The following SPOCK3 variants were observed in gnomAD, a reference collection of about 807,000 sequenced individuals.
SPOCK3 encodes the protein SPARC (osteonectin), cwcv and kazal like domains proteoglycan 3, also known as testican-3.
In SPOCK3, 30 loss-of-function variants were observed where a neutral mutation model predicts 56.6. The observed-to-expected ratio is 0.53, with a 90% CI of 0.40 to 0.72. SPOCK3 has a LOEUF of 0.72. Ranked by LOEUF, SPOCK3 falls within the 30% of genes least tolerant of loss-of-function variation. The pLI is 0.00. For synonymous variants in SPOCK3, 196 were observed against 183.3 expected (o/e 1.07, Z -0.56); for missense variants, 527 against 530.0 (o/e 0.99, Z 0.06).
intron 7 of SPOCK3, among the ~76,000 whole-genome samples, chr4:166,764,844 A>G (rs1737760458): frequency 6.6e-6 from 1 of 151,202 alleles, no homozygotes; most frequent in Non-Finnish European, 1.5e-5. Flanking sequence ...CATCCTCTCC[A>G]GCACCTGTTG....
intron 6 of SPOCK3, among the ~76,000 whole-genome samples, chr4:166,875,771 A>C (rs974198297): frequency 2.6e-5 from 4 of 152,212 alleles, no homozygotes; most frequent in South Asian, 4.1e-4. Context: ...GAATGTAGAA[A>C]GGTCTAGAAT....
chr4:167,018,774 A>G (rs12643432), intron 3 of SPOCK3, among the ~76,000 whole-genome samples: 76,246 of 151,756 alleles, frequency 0.5, 21,654 homozygotes, highest in East Asian at 0.84. Context: ...CATTTGGAAT[A>G]GCTTCATGTT....
intron 7 of SPOCK3, among the ~76,000 whole-genome samples, chr4:166,788,019 T>C (rs1426579226): frequency 1.3e-5 from 2 of 152,060 alleles, no homozygotes; most frequent in Non-Finnish European, 2.9e-5. Context: ...CCGTCTTCAC[T>C]AAAAATACAA....
At chr4:166,978,485 T>C (rs549420422) in intron 4 of SPOCK3, among the ~76,000 whole-genome samples, 2 of 152,098 alleles carry the variant, frequency 1.3e-5, no homozygotes, top group South Asian at 4.1e-4. Context: ...ACAGATGAAT[T>C]TATTTTGTGC....
At chr4:166,790,262 C>T (rs1359795987) in intron 7 of SPOCK3, among the ~76,000 whole-genome samples, 5 of 152,054 alleles carry the variant, frequency 3.3e-5, no homozygotes, top group Admixed American at 2.0e-4. Context: ...TAGATTATCA[C>T]TATATTAGAT....
At chr4:166,868,526 G>A (rs1411949267) in intron 6 of SPOCK3, among the ~76,000 whole-genome samples, 1 of 152,000 alleles carries the variant, frequency 6.6e-6, no homozygotes. Flanking sequence ...GAACTAATTT[G>A]GAAGTATGAA....
intron 4 of SPOCK3, among the ~76,000 whole-genome samples, chr4:166,946,559 C>A (rs970816160): frequency 6.6e-6 from 1 of 152,196 alleles, no homozygotes; most frequent in Non-Finnish European, 1.5e-5. Flanking sequence ...TTCTTCAGTA[C>A]TTCAAATCTT....
At chr4:166,955,424 A>G (rs1332126206) in intron 4 of SPOCK3, among the ~76,000 whole-genome samples, 1 of 148,594 alleles carries the variant, frequency 6.7e-6, no homozygotes, top group Non-Finnish European at 1.5e-5. Flanking sequence ...CATAGTTTTG[A>G]ATATTTCCTA....
intron 2 of SPOCK3, among the ~76,000 whole-genome samples, chr4:167,229,951 T>C (rs919918906): frequency 6.6e-6 from 1 of 152,084 alleles, no homozygotes; most frequent in Non-Finnish European, 1.5e-5. Flanking sequence ...GGTATTTTTA[T>C]TGAAAAACAA....
At chr4:167,141,618 C>T (rs1279897455) in intron 2 of SPOCK3, among the ~76,000 whole-genome samples, 3 of 151,960 alleles carry the variant, frequency 2.0e-5, no homozygotes, top group African/African-American at 7.2e-5. Flanking sequence ...TCTTTGCTTG[C>T]ACAACACAGG....
In SPOCK3 at chr4:166,899,280, ATCTATCTATCTAT is replaced by A. The variant is rs1560987039; in HGVS notation, c.475-10049_475-10037del. On this transcript the variant is annotated intron_variant, in intron 5 of 10. Transcript: ENST00000357545. ...TATCTATCTATCTATCTATCTATCT[ATCTATCTATCTAT>A]CTATCTATGTACCCTATGGGTTGTA... 1.4e-4 allele frequency among the ~76,000 whole-genome samples: 19 copies of A among 140,546 alleles called. No individual in the cohort carries two copies. The East Asian group carries it at 2.0e-3, about 15-fold the overall frequency. 92.2% of individuals were successfully genotyped at this position (140,546 alleles called of 152,430 possible).
chr4:167,115,317 G>GA (rs34552247), intron 2 of SPOCK3, among the ~76,000 whole-genome samples: 23,299 of 122,838 alleles, frequency 0.19, 2,044 homozygotes, highest in Middle Eastern at 0.28. Flanking sequence ...GCCTTGTACA[G>GA]AAAAAAAAAA....
chr4:166,979,977 C>T (rs537909932), intron 4 of SPOCK3, among the ~76,000 whole-genome samples: 3 of 152,160 alleles, frequency 2.0e-5, no homozygotes, highest in Non-Finnish European at 4.4e-5. Context: ...TCTTTTCTTC[C>T]TTAGGTCCTT....
At chr4:167,014,134 C>T (rs900936800) in intron 3 of SPOCK3, among the ~76,000 whole-genome samples, 1 of 152,130 alleles carries the variant, frequency 6.6e-6, no homozygotes, top group Non-Finnish European at 1.5e-5. Flanking sequence ...TGAGCTCCTC[C>T]TGGAGGATCT....
intron 2 of SPOCK3, among the ~76,000 whole-genome samples, chr4:167,092,992 T>C (rs1580266915): frequency 6.6e-6 from 1 of 152,206 alleles, no homozygotes; most frequent in African/African-American, 2.4e-5. Flanking sequence ...TAAAATATTA[T>C]ATAATGAAAA....
chr4:166,964,822 A>AT (rs1037127365), intron 4 of SPOCK3, among the ~76,000 whole-genome samples: 26 of 151,768 alleles, frequency 1.7e-4, no homozygotes, highest in Non-Finnish European at 2.8e-4. Flanking sequence ...AATACATTTT[A>AT]TTTTTTTTCT....
chr4:166,807,433 G>A (rs1360824930), intron 6 of SPOCK3, among the ~76,000 whole-genome samples: 1 of 152,202 alleles, frequency 6.6e-6, no homozygotes, highest in Middle Eastern at 3.4e-3. Flanking sequence ...GCAAAGTCAT[G>A]CGTGGAGCAC....
intron 6 of SPOCK3, among the ~76,000 whole-genome samples, chr4:166,855,060 T>C (rs1730512826): frequency 6.6e-6 from 1 of 152,092 alleles, no homozygotes; most frequent in African/African-American, 2.4e-5. Context: ...CGAACAATTG[T>C]TTTCCTTTTC....
intron 4 of SPOCK3, among the ~76,000 whole-genome samples, chr4:166,942,483 A>C (rs1741210067): frequency 6.6e-6 from 1 of 151,604 alleles, no homozygotes; most frequent in South Asian, 2.1e-4. Context: ...AAAAAAAAAA[A>C]AAACAAAAGT....
Sources: allele counts gnomAD v4.1 joint callset (sites outside exome capture counted in the v4.1 genomes callset), GRCh38; gene constraint gnomAD v4.1.1; transcripts MANE v1.5; gene names NCBI Gene and HGNC (gene_info 2026-07-23, HGNC 2026-07-21).